CDH13: variants seen among roughly 807,000 people sequenced by gnomAD.
CDH13 encodes cadherin 13.
In CDH13, 24 loss-of-function variants were observed where a neutral mutation model predicts 63.8. That is an observed-to-expected ratio of 0.38 (90% confidence interval 0.27 to 0.53). The LOEUF (loss-of-function observed/expected upper bound fraction) is 0.53. Ranked by LOEUF, CDH13 falls within the 20% of genes least tolerant of loss-of-function variation. CDH13 has a pLI of 0.85. For missense variants in CDH13, 1,049 were observed against 903.1 expected (o/e 1.16, Z -2.07); for synonymous variants, 503 against 355.3 (o/e 1.42, Z -4.67).
At chr16:82,866,872 C>A (rs892116918) in intron 2 of CDH13, among the ~76,000 whole-genome samples, 6 of 152,164 alleles carry the variant, frequency 3.9e-5, no homozygotes, top group Admixed American at 3.3e-4. Context: ...ATAGAGGAAA[C>A]CACCTCCATG....
At chr16:82,832,183 T>C (rs192970828) in intron 1 of CDH13, among the ~76,000 whole-genome samples, 1 of 152,308 alleles carries the variant, frequency 6.6e-6, no homozygotes, top group African/African-American at 2.4e-5. Context: ...TTTTCACGTA[T>C]TGAAAATAAG....
chr16:82,711,774 C>T lies in CDH13; in HGVS notation c.45+84637C>T, dbSNP rs571900472. 8.3e-4 allele frequency among the ~76,000 whole-genome samples: 127 copies of T among 152,350 alleles called. 2 individuals are homozygous for T. Among genetic ancestry groups the T allele is most frequent in the South Asian group, 5.0e-3 (24 of 4,820 alleles). On this transcript the variant is annotated intron_variant, in intron 1 of 13. Transcript: ENST00000567109. ...GTTCAGACACTCAGGAAATACCCCA[C>T]GGTGATAAGGACAACCGGTGATGCC... is the stretch of plus-strand genomic sequence containing the variant.
intron 6 of CDH13, among the ~76,000 whole-genome samples, chr16:83,477,773 C>T (rs1211407483): frequency 6.6e-6 from 1 of 152,174 alleles, no homozygotes; most frequent in Non-Finnish European, 1.5e-5. Context: ...TGGTGGGCCT[C>T]AGACCGAAGC....
intron 2 of CDH13, among the ~76,000 whole-genome samples, chr16:82,929,132 A>G (rs1352290372): frequency 1.3e-5 from 2 of 152,148 alleles, no homozygotes; most frequent in African/African-American, 2.4e-5. Context: ...GGTTGATACC[A>G]TTTGTTTTTA....
At chr16:83,502,511 T>A (rs911145965) in intron 7 of CDH13, among the ~76,000 whole-genome samples, 1 of 152,168 alleles carries the variant, frequency 6.6e-6, no homozygotes, top group African/African-American at 2.4e-5. Context: ...TAAAGTCACA[T>A]GGTTAAGTCA....
intron 6 of CDH13, among the ~76,000 whole-genome samples, chr16:83,453,477 A>G (rs2072937494): frequency 6.6e-6 from 1 of 152,250 alleles, no homozygotes; most frequent in Non-Finnish European, 1.5e-5. Flanking sequence ...TATTATTTAA[A>G]AAGCACTTAG....
intron 1 of CDH13, among the ~76,000 whole-genome samples, chr16:82,848,340 C>G (rs1439845003): frequency 6.6e-6 from 1 of 152,154 alleles, no homozygotes; most frequent in Non-Finnish European, 1.5e-5. Flanking sequence ...GGCTTCTTGA[C>G]TTTGCTTTAG....
intron 2 of CDH13, among the ~76,000 whole-genome samples, chr16:82,894,659 A>T (rs1226574908): frequency 6.6e-6 from 1 of 150,898 alleles, no homozygotes; most frequent in Non-Finnish European, 1.5e-5. Flanking sequence ...AGAGAAAAAG[A>T]AAACAATAAT....
chr16:83,057,596 A>G (rs1211116124), intron 3 of CDH13, among the ~76,000 whole-genome samples: 4 of 152,228 alleles, frequency 2.6e-5, no homozygotes, highest in African/African-American at 9.6e-5. Context: ...TGTTAAAAAA[A>G]AAAAAAGGCT....
At chr16:83,099,875 G>A (rs1188951610) in intron 3 of CDH13, among the ~76,000 whole-genome samples, 1 of 152,144 alleles carries the variant, frequency 6.6e-6, no homozygotes, top group Admixed American at 6.5e-5. Flanking sequence ...AGGTGGTACT[G>A]TTATCGCTGC....
At chr16:82,628,828 C>T (rs1421719622) in intron 1 of CDH13, among the ~76,000 whole-genome samples, 1 of 152,208 alleles carries the variant, frequency 6.6e-6, no homozygotes, top group Non-Finnish European at 1.5e-5. Context: ...TCAGACAGAT[C>T]CTTCCTGCCA....
At chr16:82,890,196 A>G (rs1017496100) in intron 2 of CDH13, among the ~76,000 whole-genome samples, 4 of 152,228 alleles carry the variant, frequency 2.6e-5, no homozygotes, top group Non-Finnish European at 5.9e-5. Flanking sequence ...AGGAGGGACC[A>G]TACTTAACAT....
chr16:82,764,712 C>T (rs2034983770), intron 1 of CDH13, among the ~76,000 whole-genome samples: 1 of 151,994 alleles, frequency 6.6e-6, no homozygotes, highest in South Asian at 2.1e-4. Context: ...GACACAAATT[C>T]AGGAGGTAAT....
chr16:83,159,991 G>T (rs1484326747), intron 4 of CDH13, among the ~76,000 whole-genome samples: 1 of 151,988 alleles, frequency 6.6e-6, no homozygotes, highest in African/African-American at 2.4e-5. Context: ...CACGAGAATT[G>T]CTTGAACCCA....
chr16:83,035,473 G>T (rs149139262), intron 3 of CDH13, among the ~76,000 whole-genome samples: 1 of 152,308 alleles, frequency 6.6e-6, no homozygotes, highest in Non-Finnish European at 1.5e-5. Flanking sequence ...GGAGGCAGAT[G>T]CTACTGTGTT....
intron 5 of CDH13, among the ~76,000 whole-genome samples, chr16:83,276,856 TG>T (rs2089005328): frequency 6.6e-6 from 1 of 151,822 alleles, no homozygotes; most frequent in Admixed American, 6.6e-5. Flanking sequence ...GGTGACAGAG[TG>T]AGACTCCATC....
At chr16:82,818,692 C>CA (rs377514948) in intron 1 of CDH13, among the ~76,000 whole-genome samples, 1 of 151,682 alleles carries the variant, frequency 6.6e-6, no homozygotes, top group Non-Finnish European at 1.5e-5. Flanking sequence ...GGGCATTTTC[C>CA]AAAAAAAAGG....
chr16:83,263,692 T>TTCTG (rs1937976514), intron 5 of CDH13, among the ~76,000 whole-genome samples: 1 of 152,226 alleles, frequency 6.6e-6, no homozygotes, highest in Non-Finnish European at 1.5e-5. Context: ...GCTTCCTCTT[T>TTCTG]TCTGTCATCC....
chr16:82,871,452 G>C (rs2040338558), intron 2 of CDH13, among the ~76,000 whole-genome samples: 1 of 152,128 alleles, frequency 6.6e-6, no homozygotes, highest in South Asian at 2.1e-4. Context: ...TGAAATAAGT[G>C]AAAGGAGAGC....
Sources: allele counts gnomAD v4.1 joint callset (sites outside exome capture counted in the v4.1 genomes callset), GRCh38; gene constraint gnomAD v4.1.1; transcripts MANE v1.5; gene names NCBI Gene and HGNC (gene_info 2026-07-23, HGNC 2026-07-21).